LEF1: variants seen among roughly 807,000 people sequenced by gnomAD.
LEF1 encodes lymphoid enhancer-binding factor 1.
In LEF1, 14 loss-of-function variants were observed where a neutral mutation model predicts 51.2. The observed-to-expected ratio is 0.27, with a 90% CI of 0.18 to 0.43. The LOEUF (loss-of-function observed/expected upper bound fraction) is 0.43. Among genes scored for constraint, LEF1 ranks in the 20% least tolerant of loss-of-function variants. The probability of loss-of-function intolerance (pLI) is 1.00; values close to 1 mark genes in which losing one functional copy is unlikely to be tolerated. For synonymous variants in LEF1, 185 were observed against 183.2 expected (o/e 1.01, Z -0.08); for missense variants, 386 against 512.0 (o/e 0.75, Z 2.37).
At chr4:108,050,438 T>C (rs1233369887) in intron 11 of LEF1, among the ~76,000 whole-genome samples, 1 of 152,052 alleles carries the variant, frequency 6.6e-6, no homozygotes, top group Non-Finnish European at 1.5e-5. Context: ...ACCTCAGTAC[T>C]TCACAGTTCG....
At chr4:108,147,760 C>T (rs1051711585) in intron 3 of LEF1, among the ~76,000 whole-genome samples, 1 of 152,168 alleles carries the variant, frequency 6.6e-6, no homozygotes, top group Non-Finnish European at 1.5e-5. Context: ...TCATTTCCTA[C>T]TCTTTCCAAC....
At chr4:108,115,846 T>TACACATACACACAC (rs1553955199) in intron 3 of LEF1, among the ~76,000 whole-genome samples, 3 of 139,274 alleles carry the variant, frequency 2.2e-5, no homozygotes, top group Admixed American at 7.2e-5. Flanking sequence ...ATGTAACACA[T>TACACATACACACAC]ACACACACAC....
chr4:108,167,741 G>A lies in LEF1; in HGVS notation c.27C>T (p.Gly9=), dbSNP rs550161250. The change falls in exon 1 of 12, where the codon GGC becomes GGT. Residue 9 remains glycine (G), a synonymous_variant. Coordinates refer to ENST00000265165, the MANE Select transcript of LEF1 (RefSeq NM_016269.5). This position sits in a 1 kb window ranked among gnomAD's most constrained non-coding sequence, Gnocchi z 5.7. MPQLSGGG[G]GGGGDPELCA... is the part of the protein sequence containing the mutation. Reference sequence around the variant, plus strand: ...AGAGTTCCGGGTCCCCCCCGCCGCCGCCACCTCCTCCGGAGAGTTGGGGCA... The same window carrying A: ...AGAGTTCCGGGTCCCCCCCGCCGCCACCACCTCCTCCGGAGAGTTGGGGCA... 7 of 1,613,252 alleles carry A rather than the reference G, an allele frequency of 4.3e-6. No homozygotes were observed. The South Asian group carries it at 4.4e-5, about 10-fold the overall frequency.
rs1481895769 is a variant in LEF1, at chr4:108,099,562, G to GTATATATATA, written c.415-10306_415-10305insTATATATATA. Among the ~76,000 whole-genome samples, 17 of 57,652 alleles carry GTATATATATA rather than the reference G, an allele frequency of 2.9e-4. No homozygotes were observed. The East Asian group carries it at 3.1e-3, about 11-fold the overall frequency. 37.8% of individuals were successfully genotyped at this position (57,652 alleles called of 152,430 possible). On this transcript the variant is annotated intron_variant, in intron 3 of 11. Transcript: ENST00000265165. Reference sequence around the variant, plus strand: ...TGTATATGTGTGTGTGTGTATGTGTGTGTGTGTGTATATATATATATATAT... The same window carrying GTATATATATA: ...TGTATATGTGTGTGTGTGTATGTGTGTATATATATATGTGTGTGTATATATATATATATAT...
chr4:108,048,899 C>A, intron 11 of LEF1, 148 bp from the exon 12 acceptor site: 1 of 487,182 alleles, frequency 2.1e-6, no homozygotes, highest in Non-Finnish European at 3.5e-6. Context: ...ATGAATTGCC[C>A]TATCAGTCAA....
chr4:108,168,585 G>C lies in LEF1; in HGVS notation c.-818C>G, dbSNP rs1001573187. The C allele has an allele frequency of 3.9e-5, 6 of 152,138 alleles. No homozygotes were observed. The highest frequency in any genetic ancestry group is 1.4e-4 in the African/African-American group (6 of 41,430). 9.4% of individuals were successfully genotyped at this position (152,138 alleles called of 1,614,324 possible). A position where few individuals can be genotyped will look rare whatever the true frequency, so the allele number is the denominator to read the frequency against. On this transcript the variant is annotated 5_prime_UTR_variant, in exon 1 of 12. Coordinates refer to ENST00000265165, the MANE Select transcript of LEF1 (RefSeq NM_016269.5). The surrounding 1 kb of genome is among the most constrained non-coding windows in gnomAD (Gnocchi z 4.6). ...GCAAGCGCGGGGACTCCGCAGTGGA[G>C]GGCACTGCGGAGTCTCGGGGAGTCA... is the stretch of plus-strand genomic sequence containing the variant.
intron 3 of LEF1, among the ~76,000 whole-genome samples, chr4:108,118,627 T>C (rs1560802959): frequency 6.6e-6 from 1 of 152,344 alleles, no homozygotes; most frequent in Middle Eastern, 3.4e-3. Flanking sequence ...GATTGTCAGG[T>C]AGAAGACAGA....
At chr4:108,118,263 G>C (rs6833849) in intron 3 of LEF1, among the ~76,000 whole-genome samples, 2 of 152,074 alleles carry the variant, frequency 1.3e-5, no homozygotes, top group South Asian at 4.1e-4. Context: ...AACTTGGAAG[G>C]TGGCAAAGAA....
In LEF1 at chr4:108,167,907, G is replaced by GCCCC; in HGVS notation, c.-141_-140insGGGG. On this transcript the variant is annotated 5_prime_UTR_variant, in exon 1 of 12. Transcript: ENST00000265165. This position sits in a 1 kb window ranked among gnomAD's most constrained non-coding sequence, Gnocchi z 5.7. ...CAGGACAGCGGGCGGAAGCGGGGCGGGCGAGCGCGGGGCCGCCGGCCGGCA... is the reference window on the plus strand; with the variant it reads ...CAGGACAGCGGGCGGAAGCGGGGCGGCCCCGCGAGCGCGGGGCCGCCGGCCGGCA... The GCCCC allele has an allele frequency of 1.8e-6, 1 of 551,598 alleles. No homozygotes were observed. Among genetic ancestry groups the GCCCC allele is most frequent in the Non-Finnish European group, 2.7e-6 (1 of 365,152 alleles). The allele number at this position is 551,598 out of a possible 1,614,324, so 34.2% of individuals were successfully genotyped here. A position where few individuals can be genotyped will look rare whatever the true frequency, so the allele number is the denominator to read the frequency against.
chr4:108,155,764 G>T (rs1377255743), intron 3 of LEF1, among the ~76,000 whole-genome samples: 1 of 152,222 alleles, frequency 6.6e-6, no homozygotes, highest in African/African-American at 2.4e-5. Context: ...AGAAGAAGAT[G>T]ATGGAGACCC....
intron 3 of LEF1, among the ~76,000 whole-genome samples, chr4:108,108,888 C>A (rs1378166532): frequency 1.3e-5 from 2 of 152,160 alleles, no homozygotes; most frequent in African/African-American, 4.8e-5. Flanking sequence ...GAAGATCGTA[C>A]AAATAGAGTT....
Position 108,077,643 on chromosome 4 carries a change from C to T in LEF1, c.1008+577G>A, listed in dbSNP as rs530678183. ...CTGGGAAGTGAGGGGCGCCTCTGCC[C>T]GGCTGCCGCCCCGTCTGGGAAGTGA... On this transcript the variant is annotated intron_variant, in intron 8 of 11. Transcript: ENST00000265165. 3.8e-4 allele frequency among the ~76,000 whole-genome samples: 53 copies of T among 140,996 alleles called. 1 individual carries two copies. The highest frequency in any genetic ancestry group is 1.1e-3 in the African/African-American group (43 of 38,022). The allele number at this position is 140,996 out of a possible 152,430, so 92.5% of individuals were successfully genotyped here.
chr4:108,061,647 A>G (rs888079562), intron 11 of LEF1, among the ~76,000 whole-genome samples: 3 of 151,822 alleles, frequency 2.0e-5, no homozygotes, highest in Non-Finnish European at 4.4e-5. Context: ...TTTTTCAAAA[A>G]AAAAAAAATT....
intron 1 of LEF1, among the ~76,000 whole-genome samples, chr4:108,165,897 C>T (rs536854037): frequency 3.3e-5 from 5 of 152,174 alleles, no homozygotes; most frequent in Admixed American, 6.5e-5. Flanking sequence ...CCTCCTCATG[C>T]CCACTTAACA....
At chr4:108,109,733 T>G (rs1398841267) in intron 3 of LEF1, among the ~76,000 whole-genome samples, 1 of 152,204 alleles carries the variant, frequency 6.6e-6, no homozygotes, top group Non-Finnish European at 1.5e-5. Flanking sequence ...GGGTACTGAA[T>G]AAGACATTCC....
At chr4:108,075,109 A>G (rs1017117840) in intron 8 of LEF1, among the ~76,000 whole-genome samples, 1 of 152,178 alleles carries the variant, frequency 6.6e-6, no homozygotes, top group Non-Finnish European at 1.5e-5. Flanking sequence ...TGGCTTGGGA[A>G]AGCATTGTAA....
At chr4:108,124,342 G>A (rs1186530224) in intron 3 of LEF1, among the ~76,000 whole-genome samples, 1 of 151,934 alleles carries the variant, frequency 6.6e-6, no homozygotes. Context: ...CAAAGTGTGG[G>A]GAGTATATAC....
rs150720070 is a variant in LEF1, at chr4:108,077,686, C to G, written c.1008+534G>C. Among the ~76,000 whole-genome samples, 1,024 of 148,060 alleles carry G rather than the reference C, an allele frequency of 6.9e-3. 16 individuals carry two copies. Among genetic ancestry groups the G allele is most frequent in the African/African-American group, 0.01 (408 of 39,210 alleles). On this transcript the variant is annotated intron_variant, in intron 8 of 11. Coordinates refer to ENST00000265165, the MANE Select transcript of LEF1 (RefSeq NM_016269.5). ...GGAAGTGAGGGGCGCTTCTGCGCAG[C>G]TGCCGCCCCATCTGGGAAGTGAGGG...
intron 3 of LEF1, among the ~76,000 whole-genome samples, chr4:108,144,865 C>CAAAAAAAAAAAAAAA (rs11394687): frequency 7.2e-5 from 3 of 41,926 alleles, no homozygotes; most frequent in Non-Finnish European, 1.2e-4. Context: ...CCCAACCAGC[C>CAAAAAAAAAAAAAAA]AAAAAAAAAA....
Sources: gnomAD v4.1 joint callset for allele counts (sites outside exome capture counted in the v4.1 genomes callset) on GRCh38, gnomAD v4.1.1 for gene constraint, Gnocchi (gnomAD v3.1) non-coding constraint, MANE v1.5 for transcripts, NCBI Gene and HGNC (gene_info 2026-07-23, HGNC 2026-07-21) for gene names.